The following BTNL8 variants were observed in gnomAD, a reference collection of about 807,000 sequenced individuals.
The protein encoded by BTNL8 is butyrophilin like 8, also known as butyrophilin-like protein 8.
Under a neutral mutation model 36.1 loss-of-function variants are expected in BTNL8, and 22 were observed. The ratio of observed to expected loss-of-function variants is 0.61; its 90% CI spans 0.44 to 0.87. The LOEUF is 0.87. Ranked by LOEUF, BTNL8 falls within the 40% of genes least tolerant of loss-of-function variation. The pLI is 0.00. For synonymous variants in BTNL8, 203 were observed against 235.6 expected (o/e 0.86, Z 1.27); for missense variants, 526 against 616.9 (o/e 0.85, Z 1.56).
In BTNL8 at chr5:180,950,161, G is replaced by A. The variant is rs373083701; in HGVS notation, c.1120G>A (p.Asp374Asn). ...RRKEYVTLSP[D>N]HGYWVLRLNG... Reference sequence around the variant, plus strand: ...GAAGGAGTACGTGACTTTGTCTCCCGATCATGGGTACTGGGTCCTCAGACT... The same window carrying A: ...GAAGGAGTACGTGACTTTGTCTCCCAATCATGGGTACTGGGTCCTCAGACT... The change falls in exon 8 of 8, where the codon GAT becomes AAT. Residue 374 changes from aspartate to asparagine, a missense_variant. Asp to Asn is a conservative substitution (Grantham distance 23). This residue lies in a region of BTNL8 where 176 missense variants were observed against 292.3 expected (regional missense o/e 0.60). Transcript: ENST00000340184. 41 of 1,462,786 alleles carry A rather than the reference G, an allele frequency of 2.8e-5. 7 individuals carry two copies. The African/African-American group carries it at 3.9e-4, about 14-fold the overall frequency. The allele number at this position is 1,462,786 out of a possible 1,614,324, so 90.6% of individuals were successfully genotyped here. A position where few individuals can be genotyped will look rare whatever the true frequency, so the allele number is the denominator to read the frequency against.
intron 3 of BTNL8, among the ~76,000 whole-genome samples, chr5:180,913,599 C>T (rs184485959): frequency 1.1e-4 from 16 of 152,264 alleles, no homozygotes; most frequent in African/African-American, 3.9e-4. Context: ...ATGTAATGGC[C>T]TCACTAATCA....
In BTNL8 at chr5:180,911,546, G is replaced by C; in HGVS notation, c.605G>C (p.Gly202Ala). 1.2e-6 allele frequency: 2 copies of C among 1,613,078 alleles called. No individual in the cohort carries two copies. Among genetic ancestry groups the C allele is most frequent in the Non-Finnish European group, 1.7e-6 (2 of 1,179,704 alleles). ...TCTCTGACCGTCCAAGAGAACGCCG[G>C]GAGCATATCCTGTTCCATGCGGCAT... is the stretch of plus-strand genomic sequence containing the variant. ...EISLTVQENA[G>A]SISCSMRHAH... Residue 202 changes from glycine (G) to alanine (A), a missense_variant, in exon 3 of 8, where the codon GGG becomes GCG. Physicochemically the swap from Gly to Ala is moderately conservative, Grantham distance 60 (BLOSUM62 0). Around this residue, in one of 2 missense-constraint regions of BTNL8, gnomAD observed 350 missense variants for 324.6 expected, o/e 1.08. Coordinates refer to ENST00000340184, the MANE Select transcript of BTNL8 (RefSeq NM_001040462.3).
At position 180,936,363 on chromosome 5, in the gene BTNL8, A is replaced by G. The variant is rs529435967; in HGVS notation, c.674-11149A>G. On this transcript the variant is annotated intron_variant, in intron 3 of 7. Transcript: ENST00000340184. ...AAAATCCTAAAGACTTAGCCAAAAA[A>G]GTATTGGAAAAGGTAAACAAGTCTA... Among the ~76,000 whole-genome samples, 128 of 152,322 alleles carry G rather than the reference A, an allele frequency of 8.4e-4. 1 individual carries two copies. The highest frequency in any genetic ancestry group is 6.8e-3 in the Middle Eastern group (2 of 294).
intron 2 of BTNL8, 66 bp downstream of exon 2, chr5:180,908,999 T>TC: frequency 1.0e-5 from 15 of 1,485,510 alleles, no homozygotes; most frequent in African/African-American, 4.3e-5. Context: ...AGTGTTTTTT[T>TC]CAATAAGGAA....
intron 1 of BTNL8, among the ~76,000 whole-genome samples, chr5:180,907,311 G>A (rs1319053575): frequency 8.2e-6 from 1 of 121,492 alleles, no homozygotes; most frequent in East Asian, 2.3e-4. Context: ...CCAGTTGATC[G>A]CATCGGCTCC....
chr5:180,899,746 T>G (rs1178361354), intron 1 of BTNL8, among the ~76,000 whole-genome samples: 1 of 152,192 alleles, frequency 6.6e-6, no homozygotes, highest in Non-Finnish European at 1.5e-5. Flanking sequence ...AAAGACATGC[T>G]GAGTTAGAAA....
intron 3 of BTNL8, among the ~76,000 whole-genome samples, chr5:180,942,514 A>G (rs1268814514): frequency 6.6e-6 from 1 of 152,220 alleles, no homozygotes; most frequent in Non-Finnish European, 1.5e-5. Context: ...CAAAGCTGGA[A>G]GTATCACACT....
intron 2 of BTNL8, among the ~76,000 whole-genome samples, chr5:180,909,159 G>A (rs895942457): frequency 2.6e-5 from 4 of 152,056 alleles, no homozygotes; most frequent in Non-Finnish European, 5.9e-5. Flanking sequence ...CCATCATCAC[G>A]AAGATCTCCC....
chr5:180,941,045 T>C (rs1000447527), intron 3 of BTNL8, among the ~76,000 whole-genome samples: 14 of 147,460 alleles, frequency 9.5e-5, no homozygotes, highest in Non-Finnish European at 1.8e-4. Context: ...GAGCCGAGAT[T>C]GAGATGCAGC....
Position 180,950,167 on chromosome 5 carries a change from G to A in BTNL8, c.1126G>A (p.Gly376Arg), listed in dbSNP as rs547122671. 2.1e-6 allele frequency: 3 copies of A among 1,462,858 alleles called. 1 individual carries two copies. Among genetic ancestry groups the A allele is most frequent in the African/African-American group, 1.4e-5 (1 of 72,422 alleles). The allele number at this position is 1,462,858 out of a possible 1,614,324, so 90.6% of individuals were successfully genotyped here. ...KEYVTLSPDH[G>R]YWVLRLNGEH... ...GTACGTGACTTTGTCTCCCGATCAT[G>A]GGTACTGGGTCCTCAGACTGAATGG... Residue 376 changes from glycine to arginine, a missense_variant, in exon 8 of 8, where the codon GGG becomes AGG. Transcript: ENST00000340184.
At chr5:180,902,218 T>A in intron 1 of BTNL8, 1 of 776,108 alleles carries the variant, frequency 1.3e-6, no homozygotes, top group East Asian at 2.9e-5. Context: ...AATGGGCAGA[T>A]GGGAGAGAAT....
At chr5:180,944,106 G>A (rs1328753850) in intron 3 of BTNL8, among the ~76,000 whole-genome samples, 1 of 152,092 alleles carries the variant, frequency 6.6e-6, no homozygotes, top group African/African-American at 2.4e-5. Flanking sequence ...CCCACATATG[G>A]AATCCAAAAA....
intron 3 of BTNL8, among the ~76,000 whole-genome samples, chr5:180,922,887 A>C (rs951959532): frequency 5.9e-5 from 9 of 152,116 alleles, no homozygotes; most frequent in Non-Finnish European, 1.3e-4. Context: ...TGTTGGGTGC[A>C]TATATATTCA....
chr5:180,907,743 G>C (rs1489156381), intron 1 of BTNL8, among the ~76,000 whole-genome samples: 2 of 152,048 alleles, frequency 1.3e-5, no homozygotes, highest in African/African-American at 2.4e-5. Context: ...TAACAGAGAG[G>C]ACCCTCAGCT....
chr5:180,949,801 A>G lies in BTNL8; in HGVS notation c.863-103A>G, dbSNP rs568820270. On this transcript the variant is annotated intron_variant, in intron 7 of 7. Coordinates refer to ENST00000340184, the MANE Select transcript of BTNL8 (RefSeq NM_001040462.3). ...GAGGCTCAGGTCCGGGGCCTCACCT[A>G]TGCCACCCAGAGCCAGTCTGCAGTG... 148 of 1,358,924 alleles carry G rather than the reference A, an allele frequency of 1.1e-4. 41 individuals carry two copies. The highest frequency in any genetic ancestry group is 6.4e-4 in the Admixed American group (30 of 46,658). 84.2% of individuals were successfully genotyped at this position (1,358,924 alleles called of 1,614,324 possible).
rs1471587337 is a variant in BTNL8 at position 180,935,013 on chromosome 5, T to C, written c.674-12499T>C. ...CAGGAGACCTGAAGTGGGTAGCTCC[T>C]TTCTGCAGGCAGGTCATCCCAACAA... is the stretch of plus-strand genomic sequence containing the variant. On this transcript the variant is annotated intron_variant, in intron 3 of 7. Transcript: ENST00000340184. This position sits in a 1 kb window ranked among gnomAD's most constrained non-coding sequence, Gnocchi z 4.8. Among the ~76,000 whole-genome samples the C allele has an allele frequency of 2.6e-5, 4 of 152,170 alleles. No homozygotes were observed. Among genetic ancestry groups the C allele is most frequent in the Non-Finnish European group, 4.4e-5 (3 of 68,012 alleles).
In BTNL8 at chr5:180,935,321, T is replaced by C. The variant is rs915805771; in HGVS notation, c.674-12191T>C. On this transcript the variant is annotated intron_variant, in intron 3 of 7. Transcript: ENST00000340184. The surrounding 1 kb of genome is among the most constrained non-coding windows in gnomAD (Gnocchi z 4.8). ...CCTTCCACCATCAACATGCCATCCA[T>C]GGTACCTGGGCTGTTCATGCTGAGT... 1.3e-5 allele frequency among the ~76,000 whole-genome samples: 2 copies of C among 152,158 alleles called. No individual in the cohort carries two copies. Among genetic ancestry groups the C allele is most frequent in the Admixed American group, 1.3e-4 (2 of 15,278 alleles).
In BTNL8 at chr5:180,908,755, G is replaced by A. The variant is rs865959616; in HGVS notation, c.219G>A (p.Gln73=). 1 of 1,614,204 alleles carries A rather than the reference G, an allele frequency of 6.2e-7. No individual in the cohort carries two copies. Residue 73 remains glutamine (Q), a synonymous_variant, in exon 2 of 8, where the codon CAG becomes CAA. Coordinates refer to ENST00000340184, the MANE Select transcript of BTNL8 (RefSeq NM_001040462.3). ...VVHLYRDGKD[Q]PFMQMPQYQG... is the part of the protein sequence containing the mutation. The stretch of plus-strand genomic sequence containing the variant: ...ACCTCTACAGGGACGGGAAGGACCA[G>A]CCATTTATGCAGATGCCACAGTATC...
At chr5:180,937,199 GGCACCT>G (rs1289568224) in intron 3 of BTNL8, among the ~76,000 whole-genome samples, 2 of 152,172 alleles carry the variant, frequency 1.3e-5, no homozygotes, top group Non-Finnish European at 2.9e-5. Flanking sequence ...CTCAGCACCT[GGCACCT>G]CTAGTAACCT....
Sources: gnomAD v4.1 joint callset for allele counts (sites outside exome capture counted in the v4.1 genomes callset) on GRCh38, gnomAD v4.1.1 for gene constraint, gnomAD v4.1.1 regional missense constraint, Gnocchi (gnomAD v3.1) non-coding constraint, MANE v1.5 for transcripts, NCBI Gene and HGNC (gene_info 2026-07-23, HGNC 2026-07-21) for gene names.